SHISA9: variants seen among roughly 807,000 people sequenced by gnomAD.
SHISA9 encodes shisa family member 9.
Under a neutral mutation model 38.0 loss-of-function variants are expected in SHISA9, and 13 were observed. The ratio of observed to expected loss-of-function variants is 0.34; its 90% CI spans 0.22 to 0.54. The LOEUF (loss-of-function observed/expected upper bound fraction) is 0.54, where lower values mean the gene tolerates loss of function less well. Ranked by LOEUF, SHISA9 falls within the 20% of genes least tolerant of loss-of-function variation. SHISA9 has a pLI of 0.91. For synonymous variants in SHISA9, 275 were observed against 242.0 expected (o/e 1.14, Z -1.27); for missense variants, 538 against 575.8 (o/e 0.93, Z 0.67).
chr16:12,931,432 ATC>A (rs2071460407), intron 2 of SHISA9, among the ~76,000 whole-genome samples: 1 of 152,042 alleles, frequency 6.6e-6, no homozygotes, highest in African/African-American at 2.4e-5. Flanking sequence ...CTTGTATCCC[ATC>A]TCTCCCTTTC....
the SHISA9 span, among the ~76,000 whole-genome samples, chr16:13,385,127 G>A: frequency 4.6e-5 from 7 of 152,262 alleles, no homozygotes; most frequent in East Asian, 1.9e-4. Context: ...TATCAGAATC[G>A]TTAAAATAAA....
the SHISA9 span, among the ~76,000 whole-genome samples, chr16:13,357,257 C>T: frequency 5.3e-5 from 8 of 152,110 alleles, no homozygotes; most frequent in Admixed American, 1.3e-4. Flanking sequence ...TGACCGGCGC[C>T]GGAGTTTTGG....
chr16:13,228,797 C>T (rs2051303628), intron 4 of SHISA9, among the ~76,000 whole-genome samples: 1 of 152,098 alleles, frequency 6.6e-6, no homozygotes, highest in Middle Eastern at 3.4e-3. Flanking sequence ...TATTTCATCC[C>T]CCAGGTATTA....
chr16:13,545,924 C>G, the SHISA9 span, among the ~76,000 whole-genome samples: 2 of 152,124 alleles, frequency 1.3e-5, no homozygotes, highest in Non-Finnish European at 2.9e-5. Flanking sequence ...CTTCCTGGGA[C>G]TTTTAATTTG....
chr16:12,995,590 G>C (rs1307553623), intron 2 of SHISA9, among the ~76,000 whole-genome samples: 1 of 152,162 alleles, frequency 6.6e-6, no homozygotes, highest in Non-Finnish European at 1.5e-5. Context: ...ATTCAGCCCA[G>C]CAGAAAGGAT....
chr16:13,264,949 C>T, the SHISA9 span, among the ~76,000 whole-genome samples: 1 of 149,882 alleles, frequency 6.7e-6, no homozygotes, highest in Non-Finnish European at 1.5e-5. Context: ...CTTTTCTCGT[C>T]TTCTCTTCCC....
intron 2 of SHISA9, among the ~76,000 whole-genome samples, chr16:13,200,432 ACACACACACAG>A (rs900283676): frequency 8.3e-5 from 11 of 132,686 alleles, no homozygotes; most frequent in East Asian, 2.3e-4. Flanking sequence ...ACACACACAC[ACACACACACAG>A]CAGCAGCAGC....
rs1471874340 is a variant in SHISA9 at position 12,969,334 on chromosome 16, G to A, written c.691+52519G>A. Among the ~76,000 whole-genome samples, 7 of 151,238 alleles carry A rather than the reference G, an allele frequency of 4.6e-5. No individual in the cohort carries two copies. In the East Asian group the frequency reaches 1.2e-3, roughly 25 times the overall value. ...AAAAAAAGCACAAGAGAGCTCCTGG[G>A]ATTTGGGAGATGATTTTTTTTTTTT... On this transcript the variant is annotated intron_variant, in intron 2 of 4. Transcript: ENST00000558583.
At position 12,902,425 on chromosome 16, in the gene SHISA9, A is replaced by T. The variant is rs768784033; in HGVS notation, c.361A>T (p.Thr121Ser). 1.8e-4 allele frequency: 273 copies of T among 1,551,144 alleles called. 1 individual carries two copies. The highest frequency in any genetic ancestry group is 2.3e-4 in the Non-Finnish European group (263 of 1,146,974). Reference protein sequence around the residue: ...KKRRLNQSTCTNYDTPLWLNT... With the variant: ...KKRRLNQSTCSNYDTPLWLNT... ...GCGGCGACTGAACCAAAGCACCTGC[A>T]CCAACTACGACACGCCGCTCTGGCT... The change falls in exon 1 of 5, where the codon ACC (threonine) becomes TCC (serine). Residue 121 changes from threonine to serine, a missense_variant. Around this residue, in one of 4 missense-constraint regions of SHISA9, gnomAD observed 88 missense variants for 109.7 expected, o/e 0.80. Transcript: ENST00000558583.
chr16:13,214,546 A>C (rs2051149748), intron 4 of SHISA9, among the ~76,000 whole-genome samples: 1 of 152,136 alleles, frequency 6.6e-6, no homozygotes, highest in Admixed American at 6.5e-5. Flanking sequence ...GAAAATTAGG[A>C]GACATTGCCA....
chr16:13,453,585 A>T, the SHISA9 span, among the ~76,000 whole-genome samples: 1 of 152,168 alleles, frequency 6.6e-6, no homozygotes, highest in Non-Finnish European at 1.5e-5. Flanking sequence ...GCCATCCTAG[A>T]CCAGCCAGCC....
the SHISA9 span, among the ~76,000 whole-genome samples, chr16:13,430,131 C>A: frequency 5.9e-5 from 9 of 152,138 alleles, no homozygotes; most frequent in Non-Finnish European, 5.9e-5. Context: ...AAAAAAATAA[C>A]CCTGCTGACA....
chr16:13,265,372 C>A, the SHISA9 span, among the ~76,000 whole-genome samples: 1 of 113,546 alleles, frequency 8.8e-6, no homozygotes, highest in South Asian at 3.8e-4. Flanking sequence ...CCATCCCCTT[C>A]CCTTCCTTCC....
intron 2 of SHISA9, among the ~76,000 whole-genome samples, chr16:13,078,460 C>T (rs2073609822): frequency 6.6e-6 from 1 of 151,540 alleles, no homozygotes; most frequent in Non-Finnish European, 1.5e-5. Flanking sequence ...GACTGGAGTG[C>T]AGTGGGGTGA....
chr16:13,225,526 C>A (rs936114129), intron 4 of SHISA9, among the ~76,000 whole-genome samples: 23 of 152,096 alleles, frequency 1.5e-4, no homozygotes, highest in Non-Finnish European at 2.4e-4. Flanking sequence ...TACCCTTGAG[C>A]GAAAGGCAGA....
intron 2 of SHISA9, among the ~76,000 whole-genome samples, chr16:13,049,122 G>C (rs923115910): frequency 1.3e-5 from 2 of 151,078 alleles, no homozygotes; most frequent in Middle Eastern, 3.4e-3. Flanking sequence ...AGATCCAAAG[G>C]CTTGAGCTGC....
the SHISA9 span, among the ~76,000 whole-genome samples, chr16:13,469,377 GA>G: frequency 1.1e-5 from 1 of 93,802 alleles, no homozygotes; most frequent in South Asian, 4.5e-4. Flanking sequence ...AAGAAAGAAA[GA>G]AAGAAAGAAA....
chr16:13,129,409 C>T (rs1168268456), intron 2 of SHISA9, among the ~76,000 whole-genome samples: 4 of 152,156 alleles, frequency 2.6e-5, no homozygotes, highest in African/African-American at 9.7e-5. Flanking sequence ...TGCATCTGAC[C>T]AGCAGACAAG....
the SHISA9 span, among the ~76,000 whole-genome samples, chr16:13,263,627 T>G: frequency 6.6e-6 from 1 of 152,194 alleles, no homozygotes; most frequent in Non-Finnish European, 1.5e-5. Flanking sequence ...AAACTTATTT[T>G]CTTATAAATT....
Sources: allele counts gnomAD v4.1 joint callset (sites outside exome capture counted in the v4.1 genomes callset), GRCh38; gene constraint gnomAD v4.1.1; regional missense constraint gnomAD v4.1.1; transcripts MANE v1.5; gene names NCBI Gene and HGNC (gene_info 2026-07-23, HGNC 2026-07-21).